Variants in JMJD1C observed in about 807,000 individuals in gnomAD.
JMJD1C encodes the protein jumonji domain containing 1C, also known as jumonji domain-containing protein 1C.
In JMJD1C, 31 loss-of-function variants were observed where a neutral mutation model predicts 245.3. The observed-to-expected ratio is 0.13, with a 90% CI of 0.09 to 0.17. JMJD1C has a LOEUF of 0.17. Among genes scored for constraint, JMJD1C ranks in the 10% least tolerant of loss-of-function variants. The pLI, the probability that JMJD1C is intolerant of heterozygous loss-of-function variation, is 1.00. For synonymous variants in JMJD1C, 1,057 were observed against 1,017.4 expected (o/e 1.04, Z -0.74); for missense variants, 2,691 against 3,000.2 (o/e 0.90, Z 2.41).
At chr10:63,448,214 C>T (rs751918486) in intron 1 of JMJD1C, among the ~76,000 whole-genome samples, 9 of 151,918 alleles carry the variant, frequency 5.9e-5, no homozygotes, top group East Asian at 5.8e-4. Flanking sequence ...TGGAGTGTAG[C>T]GGTACAATCT....
chr10:63,181,726 A>C (rs1027293409), intron 22 of JMJD1C, among the ~76,000 whole-genome samples: 3 of 152,246 alleles, frequency 2.0e-5, no homozygotes, highest in African/African-American at 7.2e-5. Flanking sequence ...AGAAAGTTCT[A>C]GCTTTTAAGG....
chr10:63,182,663 A>T (rs1165474632), intron 22 of JMJD1C, among the ~76,000 whole-genome samples: 1 of 152,180 alleles, frequency 6.6e-6, no homozygotes, highest in Non-Finnish European at 1.5e-5. Context: ...AGAAGGGAAT[A>T]ACTGACACCA....
intron 3 of JMJD1C, among the ~76,000 whole-genome samples, chr10:63,256,773 C>T (rs1264133548): frequency 6.6e-6 from 1 of 152,138 alleles, no homozygotes; most frequent in Non-Finnish European, 1.5e-5. Flanking sequence ...ATATATGCCA[C>T]AACTGTTCTC....
At chr10:63,187,425 G>A (rs148451462) in intron 18 of JMJD1C, among the ~76,000 whole-genome samples, 106 of 152,258 alleles carry the variant, frequency 7.0e-4, no homozygotes, top group Non-Finnish European at 1.1e-3. Context: ...AGAAATCTTA[G>A]GCTATCACCA....
chr10:63,328,158 C>G (rs191084959), intron 2 of JMJD1C, among the ~76,000 whole-genome samples: 1 of 151,874 alleles, frequency 6.6e-6, no homozygotes, highest in Non-Finnish European at 1.5e-5. Flanking sequence ...GCCTGTAATC[C>G]CAGCTACTTT....
intron 1 of JMJD1C, among the ~76,000 whole-genome samples, chr10:63,440,790 C>G (rs945678809): frequency 6.6e-6 from 1 of 152,114 alleles, no homozygotes; most frequent in African/African-American, 2.4e-5. Context: ...TGTGCACAAC[C>G]AGGTTTAGTA....
chr10:63,212,939 G>A (rs1248875724), intron 8 of JMJD1C, among the ~76,000 whole-genome samples: 1 of 151,024 alleles, frequency 6.6e-6, no homozygotes, highest in Non-Finnish European at 1.5e-5. Flanking sequence ...TGTAATCCCA[G>A]CACTTTGGGA....
intron 1 of JMJD1C, among the ~76,000 whole-genome samples, chr10:63,383,278 T>C (rs1352820913): frequency 6.6e-6 from 1 of 151,824 alleles, no homozygotes; most frequent in African/African-American, 2.4e-5. Flanking sequence ...TTAAAGCTTA[T>C]CTATTAGAAT....
At chr10:63,326,173 G>A (rs1482779631) in intron 2 of JMJD1C, among the ~76,000 whole-genome samples, 1 of 152,056 alleles carries the variant, frequency 6.6e-6, no homozygotes, top group Non-Finnish European at 1.5e-5. Context: ...TCTGAGAAGT[G>A]TAATAACACA....
intron 1 of JMJD1C, among the ~76,000 whole-genome samples, chr10:63,464,398 T>C (rs1285275130): frequency 2.0e-5 from 3 of 152,050 alleles, no homozygotes; most frequent in African/African-American, 4.8e-5. Flanking sequence ...TGTACAAATA[T>C]TACAATGAAT....
chr10:63,218,145 T>C (rs774874017), intron 4 of JMJD1C, among the ~76,000 whole-genome samples: 1 of 152,084 alleles, frequency 6.6e-6, no homozygotes, highest in Non-Finnish European at 1.5e-5. Flanking sequence ...AGTGCTTATT[T>C]AATTCTCTCT....
In JMJD1C at chr10:63,206,811, T is replaced by C; in HGVS notation, c.4858A>G (p.Arg1620Gly). The change falls in exon 10 of 26, where the codon AGA becomes GGA. Residue 1620 changes from arginine (R) to glycine (G), a missense_variant. Arg to Gly is a moderately radical substitution (Grantham distance 125, BLOSUM62 -2). Around this residue, in one of 9 missense-constraint regions of JMJD1C, gnomAD observed 144 missense variants for 143.3 expected, o/e 1.00. Coordinates refer to ENST00000399262, the MANE Select transcript of JMJD1C (RefSeq NM_032776.3). ...DDKVNRRKAK[R>G]TYESGSESGD... ...CTTTCAGAGCCAGATTCATAAGTTC[T>C]TTTGGCTTTTCTCCTGTTGACTTTA... The C allele has an allele frequency of 6.2e-7, 1 of 1,602,056 alleles. No individual in the cohort carries two copies. Among genetic ancestry groups the C allele is most frequent in the Non-Finnish European group, 8.5e-7 (1 of 1,176,674 alleles).
rs1393703408 is a variant in JMJD1C at position 63,167,864 on chromosome 10, T to C, written c.*181A>G. On this transcript the variant is annotated 3_prime_UTR_variant, in exon 26 of 26. Transcript: ENST00000399262. ...TAAAATTCTGCTTGTTTTATAACAT[T>C]GAATCACAGGAGCTGTGACATATGC... is the stretch of plus-strand genomic sequence containing the variant. 8.6e-5 allele frequency: 44 copies of C among 510,970 alleles called. No homozygotes were observed. In the East Asian group the frequency reaches 1.2e-3, roughly 14 times the overall value. 31.7% of individuals were successfully genotyped at this position (510,970 alleles called of 1,614,324 possible).
Position 63,402,255 on chromosome 10 carries a change from GAAAT to G in JMJD1C, c.169-21777_169-21774del, listed in dbSNP as rs1372033612. Among the ~76,000 whole-genome samples the G allele has an allele frequency of 2.0e-5, 3 of 151,872 alleles. No individual in the cohort carries two copies. In the East Asian group the frequency reaches 5.8e-4, roughly 29 times the overall value. ...ATGCTCAATATCACAAATCATCAGA[GAAAT>G]AAAAAATTAAAACCATAATTTACAT... is the stretch of plus-strand genomic sequence containing the variant. On this transcript the variant is annotated intron_variant, in intron 1 of 25. Coordinates refer to ENST00000399262, the MANE Select transcript of JMJD1C (RefSeq NM_032776.3).
intron 2 of JMJD1C, chr10:63,268,732 G>GT: frequency 1.0e-6 from 1 of 984,372 alleles, no homozygotes; most frequent in Non-Finnish European, 1.2e-6. Flanking sequence ...AGGTCAGTAA[G>GT]TATTTGCTGA....
intron 21 of JMJD1C, 109 bp from the exon 22 acceptor site, chr10:63,183,678 GT>G: frequency 3.3e-6 from 2 of 609,666 alleles, no homozygotes; most frequent in Non-Finnish European, 5.1e-6. Context: ...TGTAATTTGA[GT>G]TTTAGTTTCC....
intron 1 of JMJD1C, chr10:63,427,972 G>C (rs1950538619): frequency 1.4e-6 from 1 of 698,964 alleles, no homozygotes; most frequent in African/African-American, 1.8e-5. Context: ...TGCCACCACA[G>C]CATCCCAGAC....
At chr10:63,201,083 C>G (rs1028752852) in intron 10 of JMJD1C, among the ~76,000 whole-genome samples, 1 of 152,110 alleles carries the variant, frequency 6.6e-6, no homozygotes, top group Non-Finnish European at 1.5e-5. Context: ...AGATCCACAG[C>G]AAGAACGTAA....
intron 1 of JMJD1C, among the ~76,000 whole-genome samples, chr10:63,515,195 G>C (rs1270846953): frequency 2.0e-5 from 3 of 152,146 alleles, no homozygotes; most frequent in Non-Finnish European, 4.4e-5. Context: ...GGTGGAGTTA[G>C]GAATTTCCTT....
Sources: gnomAD v4.1 joint callset for allele counts (sites outside exome capture counted in the v4.1 genomes callset) on GRCh38, gnomAD v4.1.1 for gene constraint, gnomAD v4.1.1 regional missense constraint, MANE v1.5 for transcripts, NCBI Gene and HGNC (gene_info 2026-07-23, HGNC 2026-07-21) for gene names.